Variants in NXPE3 observed in about 807,000 individuals in gnomAD.
NXPE3 encodes neurexophilin and PC-esterase domain family member 3, also known as NXPE family member 3.
Under a neutral mutation model 46.1 loss-of-function variants are expected in NXPE3, and 26 were observed. That is an observed-to-expected ratio of 0.56 (90% CI 0.41 to 0.78). The LOEUF (loss-of-function observed/expected upper bound fraction) is 0.78. Ranked by LOEUF, NXPE3 falls within the 30% of genes least tolerant of loss-of-function variation. NXPE3 has a pLI of 0.00. For synonymous variants in NXPE3, 272 were observed against 257.9 expected, an observed-to-expected ratio of 1.05 and a Z score of -0.52; for missense variants, 620 against 686.0, an observed-to-expected ratio of 0.90 and a Z score of 1.07.
intron 6 of NXPE3, among the ~76,000 whole-genome samples, chr3:101,808,885 C>T (rs1485739252): frequency 9.4e-6 from 1 of 106,548 alleles, no homozygotes; most frequent in African/African-American, 3.5e-5. Context: ...CTGTTTGGGC[C>T]TCAACCCTGA....
At chr3:101,800,253 T>C (rs11712309) in intron 4 of NXPE3, among the ~76,000 whole-genome samples, 46,804 of 152,028 alleles carry the variant, frequency 0.31, 7,411 homozygotes, top group Non-Finnish European at 0.34. Flanking sequence ...TAATGAATTA[T>C]ATTTTCACCT....
At chr3:101,806,809 C>G (rs1167177483) in intron 5 of NXPE3, among the ~76,000 whole-genome samples, 6 of 152,198 alleles carry the variant, frequency 3.9e-5, no homozygotes, top group Non-Finnish European at 8.8e-5. Context: ...AGTTTGCACT[C>G]TTAGCAGTAT....
At chr3:101,795,381 G>A (rs1940768448) in intron 4 of NXPE3, among the ~76,000 whole-genome samples, 1 of 152,104 alleles carries the variant, frequency 6.6e-6, no homozygotes, top group South Asian at 2.1e-4. Context: ...AGCTGGGCGT[G>A]GTAGCGGGTG....
At chr3:101,819,089 T>G (rs2107355434) in intron 7 of NXPE3, among the ~76,000 whole-genome samples, 1 of 152,176 alleles carries the variant, frequency 6.6e-6, no homozygotes, top group Non-Finnish European at 1.5e-5. Flanking sequence ...ATTCTGATGT[T>G]ACTTTTTCAA....
Position 101,807,117 on chromosome 3 carries a change from A to G in NXPE3, c.913A>G (p.Arg305Gly), listed in dbSNP as rs759743872. The G allele has an allele frequency of 3.7e-6, 6 of 1,610,956 alleles. No homozygotes were observed. Among genetic ancestry groups the G allele is most frequent in the Non-Finnish European group, 5.1e-6 (6 of 1,177,406 alleles). Residue 305 changes from arginine to glycine, a missense_variant, in exon 6 of 8, where the codon AGA becomes GGA. Physicochemically the swap from Arg to Gly is moderately radical, Grantham distance 125. Around this residue, in one of 3 missense-constraint regions of NXPE3, gnomAD observed 511 missense variants for 528.6 expected, o/e 0.97. Coordinates refer to ENST00000273347, the MANE Select transcript of NXPE3 (RefSeq NM_145037.4). ...TGATTGGGTAACTGTGATTCCCAGG[A>G]GAATAAAAGGTAAAAAAAAGAATAA... The part of the protein sequence containing the change: ...GPDWVTVIPR[R>G]IKETNSLELS...
rs1484728172 is a variant in NXPE3 at position 101,800,728 on chromosome 3, CCTT to C, written c.94-506_94-504del. ...TGTTTTTTTTTTTGGAGAATTGACTCCTTTATTATTATGTAATGACCCTCTTTA... is the reference window on the plus strand; with the variant it reads ...TGTTTTTTTTTTTGGAGAATTGACTCTATTATTATGTAATGACCCTCTTTA... On this transcript the variant is annotated intron_variant, in intron 4 of 7. Transcript: ENST00000273347. Among the ~76,000 whole-genome samples, 3 of 151,350 alleles carry C rather than the reference CCTT, an allele frequency of 2.0e-5. No homozygotes were observed. The East Asian group carries it at 5.8e-4, about 29-fold the overall frequency.
chr3:101,796,576 C>G (rs1029408072), intron 4 of NXPE3, among the ~76,000 whole-genome samples: 1 of 152,116 alleles, frequency 6.6e-6, no homozygotes, highest in Admixed American at 6.5e-5. Flanking sequence ...CACAGACTTA[C>G]AACAACTAAA....
chr3:101,821,697 C>T lies in NXPE3; in HGVS notation c.1423C>T (p.Pro475Ser), dbSNP rs200832757. ...RAVVRLLDRS[P>S]KTVVVIRTAN... ...AGTGGTTCGGCTCCTCGATCGAAGC[C>T]CAAAGACCGTGGTGGTCATCCGGAC... is the stretch of plus-strand genomic sequence containing the variant. The change falls in exon 8 of 8, where the codon CCA becomes TCA. Residue 475 changes from proline to serine, a missense_variant. By Grantham distance (74) the Pro-to-Ser change is moderately conservative (BLOSUM62 -1). This residue lies in a region of NXPE3 where 75 missense variants were observed against 121.1 expected (regional missense o/e 0.62). Transcript: ENST00000273347. 22 of 1,614,202 alleles carry T rather than the reference C, an allele frequency of 1.4e-5. No homozygotes were observed. The highest frequency in any genetic ancestry group is 1.6e-5 in the Non-Finnish European group (19 of 1,180,036).
chr3:101,796,924 A>G (rs898149697), intron 4 of NXPE3, among the ~76,000 whole-genome samples: 4 of 152,148 alleles, frequency 2.6e-5, no homozygotes, highest in Admixed American at 6.5e-5. Context: ...AGGAAATGCT[A>G]TAGCTATTGA....
chr3:101,812,669 G>A (rs996161308), intron 6 of NXPE3, among the ~76,000 whole-genome samples: 40 of 151,746 alleles, frequency 2.6e-4, no homozygotes, highest in Non-Finnish European at 8.8e-5. Flanking sequence ...AAAACTAGCC[G>A]GGCGTGGTGG....
chr3:101,807,227 A>T, intron 6 of NXPE3, 101 bp downstream of exon 6: 1 of 758,654 alleles, frequency 1.3e-6, no homozygotes, highest in Non-Finnish European at 2.3e-6. Context: ...TGCCATAGTT[A>T]CTTCTGGGCA....
At chr3:101,785,068 A>G (rs1419687272) in intron 3 of NXPE3, among the ~76,000 whole-genome samples, 1 of 152,186 alleles carries the variant, frequency 6.6e-6, no homozygotes, top group Admixed American at 6.5e-5. Context: ...AAGGGAAGTG[A>G]TTTTATTGAC....
chr3:101,807,240 A>G lies in NXPE3; in HGVS notation c.922+114A>G, dbSNP rs1941459556. ...TATGCCATAGTTACTTCTGGGCACA[A>G]TTGAAAATATTAAAAGTACTGTTTG... is the stretch of plus-strand genomic sequence containing the variant. On this transcript the variant is annotated intron_variant, in intron 6 of 7. Transcript: ENST00000273347. 7.2e-6 allele frequency: 5 copies of G among 694,010 alleles called. 1 individual carries two copies. The highest frequency in any genetic ancestry group is 7.0e-5 in the South Asian group (4 of 57,440). 43.0% of individuals were successfully genotyped at this position (694,010 alleles called of 1,614,324 possible).
intron 3 of NXPE3, among the ~76,000 whole-genome samples, chr3:101,783,312 C>T (rs972199835): frequency 1.5e-4 from 22 of 151,576 alleles, no homozygotes; most frequent in Non-Finnish European, 2.4e-4. Flanking sequence ...CCGCCTGCCT[C>T]GGCCTCCCAA....
chr3:101,795,639 G>A (rs922481217), intron 4 of NXPE3, among the ~76,000 whole-genome samples: 3 of 151,928 alleles, frequency 2.0e-5, no homozygotes, highest in Non-Finnish European at 2.9e-5. Flanking sequence ...AGCAAGTTCT[G>A]TATTTTTTTT....
intron 4 of NXPE3, among the ~76,000 whole-genome samples, chr3:101,798,208 C>T (rs954866393): frequency 6.6e-6 from 1 of 151,970 alleles, no homozygotes; most frequent in Admixed American, 6.6e-5. Flanking sequence ...TGTTTTTTGG[C>T]TTATTAAGCT....
At position 101,826,748 on chromosome 3, in the gene NXPE3, T is replaced by G. The variant is rs1416020324; in HGVS notation, c.*4794T>G. On this transcript the variant is annotated 3_prime_UTR_variant, in exon 8 of 8. Transcript: ENST00000273347. ...TTTACATTTTAACTTTTTAAAAAAA[T>G]GTGGGCCGGGCATAGTGGCTCATGC... The G allele has an allele frequency of 6.6e-6, 1 of 152,172 alleles. No individual in the cohort carries two copies. The highest frequency in any genetic ancestry group is 2.4e-5 in the African/African-American group (1 of 41,448). 9.4% of individuals were successfully genotyped at this position (152,172 alleles called of 1,614,324 possible).
intron 6 of NXPE3, among the ~76,000 whole-genome samples, chr3:101,811,998 T>A (rs1295098813): frequency 6.6e-6 from 1 of 152,058 alleles, no homozygotes; most frequent in Non-Finnish European, 1.5e-5. Flanking sequence ...CTTCCTAAAG[T>A]GTTGGGATTA....
At chr3:101,798,669 G>A (rs1288843572) in intron 4 of NXPE3, among the ~76,000 whole-genome samples, 1 of 150,544 alleles carries the variant, frequency 6.6e-6, no homozygotes, top group African/African-American at 2.4e-5. Context: ...CTGGAGTGCA[G>A]TGGCACAATC....
Sources: gnomAD v4.1 joint callset for allele counts (sites outside exome capture counted in the v4.1 genomes callset) on GRCh38, gnomAD v4.1.1 for gene constraint, gnomAD v4.1.1 regional missense constraint, MANE v1.5 for transcripts, NCBI Gene and HGNC (gene_info 2026-07-23, HGNC 2026-07-21) for gene names.